ZMYND8: variants seen among roughly 807,000 people sequenced by gnomAD.
ZMYND8 encodes zinc finger MYND-type containing 8, also known as MYND-type zinc finger-containing chromatin reader ZMYND8.
ZMYND8 carries 37 observed loss-of-function variants against 140.8 expected under a neutral mutation model. The ratio of observed to expected loss-of-function variants is 0.26; its 90% CI spans 0.20 to 0.35. The LOEUF (loss-of-function observed/expected upper bound fraction) is 0.35, where lower values mean the gene tolerates loss of function less well. Among genes scored for constraint, ZMYND8 ranks in the 10% least tolerant of loss-of-function variants. ZMYND8 has a pLI of 1.00. For missense variants in ZMYND8, 1,068 were observed against 1,570.0 expected, an observed-to-expected ratio of 0.68 and a Z score of 5.40; for synonymous variants, 592 against 597.1, an observed-to-expected ratio of 0.99 and a Z score of 0.12.
chr20:47,220,058 G>C (rs537627442), intron 21 of ZMYND8, among the ~76,000 whole-genome samples, 200 bp downstream of exon 21: 1 of 152,072 alleles, frequency 6.6e-6, no homozygotes, highest in East Asian at 1.9e-4. Context: ...AGGTAATACC[G>C]ATCAGCTTGA....
chr20:47,300,362 G>A (rs1204575211), intron 3 of ZMYND8, among the ~76,000 whole-genome samples: 3 of 152,124 alleles, frequency 2.0e-5, no homozygotes, highest in African/African-American at 7.2e-5. Context: ...AAATCTCACT[G>A]TATAACATGT....
intron 21 of ZMYND8, among the ~76,000 whole-genome samples, chr20:47,218,445 AAACTTATGT>A (rs1397596107): frequency 2.6e-5 from 4 of 152,230 alleles, no homozygotes; most frequent in African/African-American, 7.2e-5. Context: ...TTTTTATTTT[AAACTTATGT>A]AACTTAGGTA....
chr20:47,344,121 G>A (rs899810836), intron 2 of ZMYND8, among the ~76,000 whole-genome samples: 11 of 151,894 alleles, frequency 7.2e-5, no homozygotes, highest in Non-Finnish European at 1.6e-4. Flanking sequence ...GCGACTAGAG[G>A]TGCCTGCCAC....
At chr20:47,332,713 AAAAT>A (rs371516390) in intron 2 of ZMYND8, among the ~76,000 whole-genome samples, 124 of 152,306 alleles carry the variant, frequency 8.1e-4, no homozygotes, top group Admixed American at 1.8e-3. Flanking sequence ...CTATCTCAAA[AAAAT>A]AAATAAAGAC....
intron 21 of ZMYND8, 102 bp downstream of exon 21, chr20:47,220,156 A>G: frequency 1.0e-6 from 1 of 991,290 alleles, no homozygotes; most frequent in Admixed American, 2.3e-5. Flanking sequence ...AATCGTTTGG[A>G]AACCATTGGA....
At chr20:47,290,301 TCA>T in intron 6 of ZMYND8, 27 bp from the exon 7 acceptor site, 2 of 1,605,756 alleles carry the variant, frequency 1.2e-6, no homozygotes, top group East Asian at 4.5e-5. Flanking sequence ...TGGAGCATAA[TCA>T]CAGTGAGTCT....
chr20:47,245,396 G>T (rs2040445828), intron 14 of ZMYND8, among the ~76,000 whole-genome samples: 2 of 152,116 alleles, frequency 1.3e-5, no homozygotes, highest in South Asian at 4.1e-4. Flanking sequence ...ACAGGCGCCT[G>T]CTACCACGCC....
intron 2 of ZMYND8, among the ~76,000 whole-genome samples, chr20:47,340,514 G>A (rs1283857659): frequency 2.0e-5 from 3 of 151,814 alleles, no homozygotes; most frequent in African/African-American, 4.8e-5. Context: ...AAAAAAGGCC[G>A]GAGGCGTGGT....
At position 47,302,942 on chromosome 20, in the gene ZMYND8, G is replaced by C. The variant is rs142987486; in HGVS notation, c.235-3995C>G. 1.7e-3 allele frequency among the ~76,000 whole-genome samples: 263 copies of C among 152,274 alleles called. 2 individuals are homozygous for C. The highest frequency in any genetic ancestry group is 3.2e-3 in the Non-Finnish European group (218 of 68,024). ...ACTGGGGGCCAGAAAAGTATTTGTT[G>C]TGGGAGACGTCCTGTGCATTGCAGG... On this transcript the variant is annotated intron_variant, in intron 3 of 22. Coordinates refer to ENST00000471951, the MANE Select transcript of ZMYND8 (RefSeq NM_001281775.3).
chr20:47,345,743 A>AG (rs1339313312), intron 2 of ZMYND8, among the ~76,000 whole-genome samples: 2 of 151,424 alleles, frequency 1.3e-5, no homozygotes, highest in African/African-American at 4.9e-5. Flanking sequence ...TCCTGAGCTC[A>AG]GACAATCCAC....
intron 1 of ZMYND8, chr20:47,355,452 A>C (rs931868302): frequency 3.0e-6 from 3 of 985,324 alleles, no homozygotes; most frequent in Non-Finnish European, 3.6e-6. Context: ...TTACTTACCC[A>C]ACAAATGTTC....
intron 11 of ZMYND8, among the ~76,000 whole-genome samples, chr20:47,271,686 T>A (rs2075955952): frequency 6.6e-6 from 1 of 152,216 alleles, no homozygotes; most frequent in Non-Finnish European, 1.5e-5. Flanking sequence ...TTTATTTCAT[T>A]GACTGATCGA....
chr20:47,228,930 G>T (rs2147050239), intron 17 of ZMYND8, among the ~76,000 whole-genome samples: 1 of 152,202 alleles, frequency 6.6e-6, no homozygotes, highest in South Asian at 2.1e-4. Context: ...TAGGGAATTA[G>T]CCTAAAGGGG....
rs1601807653 is a variant in ZMYND8 at position 47,310,471 on chromosome 20, T to G, written c.86-267A>C. Among the ~76,000 whole-genome samples the G allele has an allele frequency of 2.6e-5, 4 of 152,228 alleles. 1 individual carries two copies. In the South Asian group the frequency reaches 8.3e-4, roughly 32 times the overall value. ...GATACAAAAATCAGGAAATTTCATG[T>G]AATAACCTAGATTTTTCACTTTTCT... is the stretch of plus-strand genomic sequence containing the variant. On this transcript the variant is annotated intron_variant, in intron 2 of 22. Transcript: ENST00000471951.
At chr20:47,331,371 G>A (rs1489882431) in intron 2 of ZMYND8, among the ~76,000 whole-genome samples, 1 of 152,124 alleles carries the variant, frequency 6.6e-6, no homozygotes, top group Non-Finnish European at 1.5e-5. Flanking sequence ...GACACAAAAG[G>A]GCAAAGAACA....
At chr20:47,272,519 C>T (rs944278079) in intron 11 of ZMYND8, among the ~76,000 whole-genome samples, 1 of 152,108 alleles carries the variant, frequency 6.6e-6, no homozygotes, top group African/African-American at 2.4e-5. Flanking sequence ...CAAACAAATA[C>T]CGGTGAAGGT....
At chr20:47,303,203 AG>A (rs536069311) in intron 3 of ZMYND8, among the ~76,000 whole-genome samples, 1 of 152,070 alleles carries the variant, frequency 6.6e-6, no homozygotes, top group Non-Finnish European at 1.5e-5. Context: ...AGCAGCAGGA[AG>A]GGGAAGAGAG....
intron 12 of ZMYND8, 112 bp from the exon 13 acceptor site, chr20:47,249,551 G>A: frequency 7.0e-7 from 1 of 1,435,096 alleles, no homozygotes; most frequent in Non-Finnish European, 9.4e-7. Context: ...GGGGGAGGGG[G>A]AGATACTTTT....
Position 47,270,697 on chromosome 20 carries a change from GAAAAAAAA to G in ZMYND8, c.1480+5609_1480+5616del, listed in dbSNP as rs34474269. On this transcript the variant is annotated intron_variant, in intron 11 of 22. Coordinates refer to ENST00000471951, the MANE Select transcript of ZMYND8 (RefSeq NM_001281775.3). ...GCAACATAGTGAGGACCCTGTCTCT[GAAAAAAAA>G]AAAAAAAAAAAAAAGAAAGAAAGAA... Among the ~76,000 whole-genome samples, 202 of 86,672 alleles carry G rather than the reference GAAAAAAAA, an allele frequency of 2.3e-3. 1 individual carries two copies. Among genetic ancestry groups the G allele is most frequent in the African/African-American group, 9.0e-3 (189 of 20,962 alleles). 56.9% of individuals were successfully genotyped at this position (86,672 alleles called of 152,430 possible).
Sources: gnomAD v4.1 joint callset for allele counts (sites outside exome capture counted in the v4.1 genomes callset) on GRCh38, gnomAD v4.1.1 for gene constraint, MANE v1.5 for transcripts, NCBI Gene and HGNC (gene_info 2026-07-23, HGNC 2026-07-21) for gene names.